CPED1: variants seen among roughly 807,000 people sequenced by gnomAD.
CPED1 encodes the protein cadherin-like and PC-esterase domain-containing protein 1.
A neutral mutation model predicts 128.2 loss-of-function variants in CPED1; 114 were observed. The observed-to-expected ratio is 0.89, with a 90% confidence interval of 0.76 to 1.04. The LOEUF (loss-of-function observed/expected upper bound fraction) is 1.04. Ranked by LOEUF, CPED1 falls within the 50% of genes least tolerant of loss-of-function variation. The pLI, the probability that CPED1 is intolerant of heterozygous loss-of-function variation, is 0.00. For missense variants in CPED1, 1,211 were observed against 1,207.1 expected (o/e 1.00, Z -0.05); for synonymous variants, 462 against 426.7 (o/e 1.08, Z -1.02).
chr7:121,286,877 C>T (rs1792589794), intron 22 of CPED1, among the ~76,000 whole-genome samples: 1 of 152,124 alleles, frequency 6.6e-6, no homozygotes, highest in African/African-American at 2.4e-5. Context: ...GTTTAATTGA[C>T]TCATAGTTCA....
At chr7:121,252,626 AAAC>A (rs1240272586) in intron 18 of CPED1, among the ~76,000 whole-genome samples, 1 of 152,176 alleles carries the variant, frequency 6.6e-6, no homozygotes, top group African/African-American at 2.4e-5. Context: ...TACCAGAAAA[AAAC>A]AACCCGATCA....
At chr7:121,014,201 A>G (rs1792235794) in intron 2 of CPED1, among the ~76,000 whole-genome samples, 1 of 152,206 alleles carries the variant, frequency 6.6e-6, no homozygotes, top group African/African-American at 2.4e-5. Context: ...GTGTGATGTG[A>G]TCTGACCAGA....
intron 16 of CPED1, among the ~76,000 whole-genome samples, chr7:121,167,539 C>T (rs1451877067): frequency 6.6e-6 from 1 of 152,136 alleles, no homozygotes; most frequent in Admixed American, 6.5e-5. Context: ...AAAAGGATCA[C>T]AGCATAAAGT....
At chr7:121,286,786 C>G (rs1184077910) in intron 22 of CPED1, among the ~76,000 whole-genome samples, 1 of 152,062 alleles carries the variant, frequency 6.6e-6, no homozygotes, top group Non-Finnish European at 1.5e-5. Context: ...TCAGAGAAAA[C>G]TAACTACACC....
At chr7:121,109,383 T>A (rs1328696037) in intron 7 of CPED1, among the ~76,000 whole-genome samples, 1 of 152,166 alleles carries the variant, frequency 6.6e-6, no homozygotes. Flanking sequence ...AATTTGTCCT[T>A]TCACTCCCTA....
At chr7:121,086,766 C>A (rs1794435053) in intron 5 of CPED1, among the ~76,000 whole-genome samples, 1 of 152,192 alleles carries the variant, frequency 6.6e-6, no homozygotes, top group African/African-American at 2.4e-5. Flanking sequence ...ACCTGAATTG[C>A]AAATCATTTG....
At chr7:121,156,777 A>T (rs906577159) in intron 16 of CPED1, among the ~76,000 whole-genome samples, 9 of 151,700 alleles carry the variant, frequency 5.9e-5, no homozygotes, top group African/African-American at 7.3e-5. Flanking sequence ...TAAATTTTAT[A>T]TGCATATTTT....
At chr7:121,203,883 C>G (rs1466590218) in intron 16 of CPED1, among the ~76,000 whole-genome samples, 1 of 152,076 alleles carries the variant, frequency 6.6e-6, no homozygotes, top group Admixed American at 6.6e-5. Context: ...AGTTGCGTGT[C>G]ACATGGCAGG....
rs140850174 is a variant in CPED1 at position 120,989,726 on chromosome 7, C to G, written c.105C>G (p.Leu35=). Residue 35 remains leucine (L), a synonymous_variant, in exon 2 of 23, where the codon CTC becomes CTG. Transcript: ENST00000310396. Reference sequence around the variant, plus strand: ...GTCTCTTCTACCAGACTCTGACCCTCCGAGGGTCGAGGAAGCTCACAGCCG... The same window carrying G: ...GTCTCTTCTACCAGACTCTGACCCTGCGAGGGTCGAGGAAGCTCACAGCCG... ...AICLFYQTLT[L]RGSRKLTAAA... is the part of the protein sequence containing the mutation. 98 of 1,613,892 alleles carry G rather than the reference C, an allele frequency of 6.1e-5. No homozygotes were observed. The African/African-American group carries it at 1.1e-3, about 19-fold the overall frequency.
intron 3 of CPED1, among the ~76,000 whole-genome samples, chr7:121,016,730 T>G (rs1476891893): frequency 6.6e-6 from 1 of 152,218 alleles, no homozygotes; most frequent in Non-Finnish European, 1.5e-5. Context: ...CACTTACCTA[T>G]CATTTTGAGA....
At chr7:121,059,899 G>T (rs1435482642) in intron 4 of CPED1, among the ~76,000 whole-genome samples, 1 of 152,236 alleles carries the variant, frequency 6.6e-6, no homozygotes, top group Non-Finnish European at 1.5e-5. Flanking sequence ...GCCCACTGCT[G>T]CACTGTGGGA....
intron 5 of CPED1, among the ~76,000 whole-genome samples, chr7:121,067,181 G>A (rs1793851325): frequency 1.3e-5 from 2 of 151,958 alleles, no homozygotes; most frequent in Non-Finnish European, 2.9e-5. Context: ...TGTTACATAT[G>A]TATACATGTG....
rs1360143367 is a variant in CPED1 at position 121,256,125 on chromosome 7, AAAAC to A, written c.2311-10098_2311-10095del. 7.3e-3 allele frequency among the ~76,000 whole-genome samples: 210 copies of A among 28,852 alleles called. 12 individuals carry two copies. The highest frequency in any genetic ancestry group is 0.026 in the Middle Eastern group (1 of 38). The allele number at this position is 28,852 out of a possible 152,430, so 18.9% of individuals were successfully genotyped here. ...GCAATCCTAAGCAAAAAAAAAAAAC[AAAAC>A]AAAAAAAAAAAACAAAGCTTATGCC... On this transcript the variant is annotated intron_variant, in intron 18 of 22. Transcript: ENST00000310396.
At chr7:121,162,004 C>T (rs1234125736) in intron 16 of CPED1, among the ~76,000 whole-genome samples, 1 of 152,190 alleles carries the variant, frequency 6.6e-6, no homozygotes, top group African/African-American at 2.4e-5. Context: ...TAAATGCCTA[C>T]ACTGTTCTTG....
chr7:121,198,378 T>C (rs945643875), intron 16 of CPED1, among the ~76,000 whole-genome samples: 11 of 152,178 alleles, frequency 7.2e-5, no homozygotes, highest in African/African-American at 2.7e-4. Context: ...GTATGGTTTC[T>C]TGTGCACATG....
intron 14 of CPED1, among the ~76,000 whole-genome samples, 183 bp downstream of exon 14, chr7:121,136,273 A>C (rs895693634): frequency 3.3e-5 from 5 of 152,094 alleles, no homozygotes; most frequent in Admixed American, 6.6e-5. Context: ...AAGAACATAA[A>C]ATATTACATT....
rs752626196 is a variant in CPED1 at position 121,130,226 on chromosome 7, G to C, written c.1509G>C (p.Trp503Cys). The C allele has an allele frequency of 2.5e-6, 4 of 1,611,892 alleles. No homozygotes were observed. The South Asian group carries it at 4.4e-5, about 18-fold the overall frequency. The part of the protein sequence containing the change: ...GNPGSVLTQY[W>C]SLLNVFEQFQ... ...CTGGCTCAGTCCTGACCCAATACTG[G>C]TCTCTTTTAAATGTATTTGAACAAT... is the stretch of plus-strand genomic sequence containing the variant. The change falls in exon 12 of 23, where the codon TGG (tryptophan) becomes TGC (cysteine). Residue 503 changes from tryptophan to cysteine, a missense_variant. Physicochemically the swap from Trp to Cys is radical, Grantham distance 215. Coordinates refer to ENST00000310396, the MANE Select transcript of CPED1 (RefSeq NM_024913.5).
chr7:121,265,748 C>T (rs369034198), intron 18 of CPED1, among the ~76,000 whole-genome samples: 8 of 152,048 alleles, frequency 5.3e-5, no homozygotes, highest in South Asian at 2.1e-4. Context: ...GGACATGCAC[C>T]GCTGTTCAGA....
At chr7:121,109,468 C>A (rs568874884) in intron 7 of CPED1, among the ~76,000 whole-genome samples, 3 of 152,250 alleles carry the variant, frequency 2.0e-5, no homozygotes, top group Middle Eastern at 3.4e-3. Context: ...GGACTTCAAA[C>A]AGGAGAGGAA....
Sources: gnomAD v4.1 joint callset for allele counts (sites outside exome capture counted in the v4.1 genomes callset) on GRCh38, gnomAD v4.1.1 for gene constraint, MANE v1.5 for transcripts, NCBI Gene and HGNC (gene_info 2026-07-23, HGNC 2026-07-21) for gene names.